C19orf47: variants seen among roughly 807,000 people sequenced by gnomAD.
C19orf47 encodes uncharacterized protein C19orf47.
In C19orf47, 18 loss-of-function variants were observed where a neutral mutation model predicts 32.3. The ratio of observed to expected loss-of-function variants is 0.56; its 90% CI spans 0.39 to 0.83. The LOEUF (loss-of-function observed/expected upper bound fraction) is 0.83. Ranked by LOEUF, C19orf47 falls within the 40% of genes least tolerant of loss-of-function variation. The pLI is 0.00. For missense variants in C19orf47, 484 were observed against 531.6 expected (o/e 0.91, Z 0.88); for synonymous variants, 202 against 211.1 (o/e 0.96, Z 0.37).
At chr19:40,300,988 C>T in the C19orf47 span, among the ~76,000 whole-genome samples, 1 of 152,044 alleles carries the variant, frequency 6.6e-6, no homozygotes, top group East Asian at 1.9e-4. Flanking sequence ...CCGATCTCTA[C>T]TAAAAATACA....
At chr19:40,304,197 T>C in the C19orf47 span, among the ~76,000 whole-genome samples, 1 of 152,276 alleles carries the variant, frequency 6.6e-6, no homozygotes, top group East Asian at 1.9e-4. Flanking sequence ...ACTTTTAGCA[T>C]GTGGAACTTC....
Position 40,323,991 on chromosome 19 carries a change from C to T in C19orf47, c.663+15G>A. 6.2e-7 allele frequency: 1 copy of T among 1,614,050 alleles called. No individual in the cohort carries two copies. Among genetic ancestry groups the T allele is most frequent in the East Asian group, 2.2e-5 (1 of 44,898 alleles). ...CAGCTCGCACGCCCAGAATCGCTCC[C>T]CCATCCCCACTCACTTTACTCCCTG... On this transcript the variant is annotated intron_variant, in intron 8 of 8. Coordinates refer to ENST00000683109, the MANE Select transcript of C19orf47 (RefSeq NM_001256441.2).
At chr19:40,318,381 C>T (rs4479364), downstream of C19orf47, among the ~76,000 whole-genome samples, 59,611 of 151,886 alleles carry the variant, frequency 0.39, 13,074 homozygotes, top group South Asian at 0.61. Context: ...CTCTGTAAAG[C>T]GCAACAATAA....
At position 40,322,121 on chromosome 19, in the gene C19orf47, G is replaced by T; in HGVS notation, c.919C>A (p.Pro307Thr). ...ATGCTGACTTTAGACAAGGACTCCG[G>T]CTTCCTCTCAAGCCCAGACCGTGAG... ...LSSRSGLERKPESLSKVSIIK... is the reference protein window; with the variant it reads ...LSSRSGLERKTESLSKVSIIK... The change falls in exon 9 of 9, where the codon CCG becomes ACG. Residue 307 changes from proline to threonine, a missense_variant. This residue lies in a region of C19orf47 where 376 missense variants were observed against 370.2 expected (regional missense o/e 1.02). Transcript: ENST00000683109. The T allele has an allele frequency of 6.2e-7, 1 of 1,614,078 alleles. No individual in the cohort carries two copies. The highest frequency in any genetic ancestry group is 8.5e-7 in the Non-Finnish European group (1 of 1,180,052).
At chr19:40,306,687 G>T in the C19orf47 span, among the ~76,000 whole-genome samples, 1 of 152,038 alleles carries the variant, frequency 6.6e-6, no homozygotes, top group Non-Finnish European at 1.5e-5. Context: ...ACAGGTGTGA[G>T]CCACTGCATC....
At chr19:40,341,813 C>A in intron 2 of C19orf47, 26 bp downstream of exon 2, 2 of 1,536,082 alleles carry the variant, frequency 1.3e-6, no homozygotes, top group South Asian at 2.4e-5. Flanking sequence ...GGAGAGGGGG[C>A]CCTGGAGAGA....
At chr19:40,301,626 C>T in the C19orf47 span, among the ~76,000 whole-genome samples, 1 of 151,782 alleles carries the variant, frequency 6.6e-6, no homozygotes, top group Non-Finnish European at 1.5e-5. Context: ...AGGTGCGAGC[C>T]ACCGCGCCTG....
chr19:40,310,079 G>A, the C19orf47 span, among the ~76,000 whole-genome samples: 1 of 152,164 alleles, frequency 6.6e-6, no homozygotes, highest in African/African-American at 2.4e-5. Context: ...AATATTGATA[G>A]CAGCATTATT....
chr19:40,330,681 C>T lies in C19orf47; in HGVS notation c.302-2131G>A, dbSNP rs978027475. On this transcript the variant is annotated intron_variant, in intron 5 of 8. Transcript: ENST00000683109. ...CCTCCCACCTCAGCCTCCCAAGCCT[C>T]CCACAGCTAATTTACTAATTTTTGT... Among the ~76,000 whole-genome samples the T allele has an allele frequency of 4.0e-5, 6 of 151,518 alleles. No individual in the cohort carries two copies. In the East Asian group the frequency reaches 9.7e-4, roughly 25 times the overall value.
At chr19:40,338,849 G>T (rs1357844788) in intron 2 of C19orf47, among the ~76,000 whole-genome samples, 7 of 152,172 alleles carry the variant, frequency 4.6e-5, no homozygotes, top group Non-Finnish European at 8.8e-5. Flanking sequence ...GAGTGATAAA[G>T]ATGTTTTAAA....
chr19:40,337,024 C>T (rs1305941054), intron 2 of C19orf47, among the ~76,000 whole-genome samples: 2 of 152,170 alleles, frequency 1.3e-5, no homozygotes, highest in African/African-American at 4.8e-5. Context: ...GGTAAGTTAA[C>T]TCTTGGTGCC....
the C19orf47 span, among the ~76,000 whole-genome samples, chr19:40,293,335 G>A: frequency 6.6e-6 from 1 of 151,810 alleles, no homozygotes; most frequent in Admixed American, 6.6e-5. Flanking sequence ...TAGTAGAGAT[G>A]GGGTTTCACT....
the C19orf47 span, among the ~76,000 whole-genome samples, chr19:40,293,179 T>C: frequency 4.6e-5 from 7 of 152,088 alleles, no homozygotes; most frequent in African/African-American, 1.7e-4. Context: ...CTCACTCTGT[T>C]GCCCAGGCTG....
chr19:40,342,005 C>G, intron 1 of C19orf47, 115 bp from the exon 2 acceptor site: 1 of 1,510,400 alleles, frequency 6.6e-7, no homozygotes, highest in Admixed American at 2.0e-5. Flanking sequence ...AGGGGCTCAC[C>G]GCCCAGGAAT....
At chr19:40,303,719 G>A in the C19orf47 span, among the ~76,000 whole-genome samples, 22 of 148,424 alleles carry the variant, frequency 1.5e-4, no homozygotes, top group African/African-American at 4.2e-4. Flanking sequence ...CAGGAGAATC[G>A]CTTGAACCTG....
downstream of C19orf47, chr19:40,319,434 CTGTCTCTTTT>C (rs2077686065): frequency 6.5e-6 from 1 of 153,566 alleles, no homozygotes; most frequent in Non-Finnish European, 1.5e-5. Context: ...CTCTCCTAGG[CTGTCTCTTTT>C]TGTCAGTTCC....
the C19orf47 span, among the ~76,000 whole-genome samples, chr19:40,301,845 G>A: frequency 1.4e-5 from 2 of 141,840 alleles, no homozygotes; most frequent in African/African-American, 5.4e-5. Flanking sequence ...ACTCTGTCTA[G>A]GAAAAAAATC....
intron 5 of C19orf47, chr19:40,332,580 G>C (rs2077976720): frequency 6.6e-6 from 1 of 151,890 alleles, no homozygotes; most frequent in Non-Finnish European, 1.5e-5. Context: ...CCGGGAGGCG[G>C]AGGTTGCACT....
chr19:40,343,329 T>G (rs967326458), intron 1 of C19orf47: 2 of 152,140 alleles, frequency 1.3e-5, no homozygotes, highest in Non-Finnish European at 2.9e-5. Flanking sequence ...TATAATGGAG[T>G]GGTCAAGAGT....
Sources: allele counts gnomAD v4.1 joint callset (sites outside exome capture counted in the v4.1 genomes callset), GRCh38; gene constraint gnomAD v4.1.1; regional missense constraint gnomAD v4.1.1; transcripts MANE v1.5; gene names NCBI Gene and HGNC (gene_info 2026-07-23, HGNC 2026-07-21).